The following TPST1 variants were observed in gnomAD, a reference collection of about 807,000 sequenced individuals.
TPST1 encodes tyrosylprotein sulfotransferase 1.
Under a neutral mutation model 34.8 loss-of-function variants are expected in TPST1, and 20 were observed. That is an observed-to-expected ratio of 0.57 (90% CI 0.40 to 0.84). The LOEUF (loss-of-function observed/expected upper bound fraction) is 0.84. Ranked by LOEUF, TPST1 falls within the 40% of genes least tolerant of loss-of-function variation. The probability of loss-of-function intolerance (pLI) is 0.00; values close to 1 mark genes in which losing one functional copy is unlikely to be tolerated. For synonymous variants in TPST1, 152 were observed against 159.4 expected (o/e 0.95, Z 0.35); for missense variants, 353 against 455.5 (o/e 0.78, Z 2.05).
Position 66,205,490 on chromosome 7 carries a change from C to T in TPST1, c.-134C>T, listed in dbSNP as rs1257751191. 6.6e-6 allele frequency: 1 copy of T among 152,506 alleles called. No homozygotes were observed. Among genetic ancestry groups the T allele is most frequent in the Non-Finnish European group, 1.5e-5 (1 of 68,306 alleles). 9.4% of individuals were successfully genotyped at this position (152,506 alleles called of 1,614,324 possible). On this transcript the variant is annotated 5_prime_UTR_variant, in exon 1 of 6. Transcript: ENST00000304842. This position sits in a 1 kb window ranked among gnomAD's most constrained non-coding sequence, Gnocchi z 5.0. ...CCAGCGGCTGAGGCCAGGATGCCGT[C>T]CAGGCGGCGCGGCGGCTCCTCACTC...
At position 66,226,012 on chromosome 7, in the gene TPST1, G is replaced by A. The variant is rs549424578; in HGVS notation, c.-101-14313G>A. Among the ~76,000 whole-genome samples, 12 of 151,908 alleles carry A rather than the reference G, an allele frequency of 7.9e-5. No homozygotes were observed. The South Asian group carries it at 1.2e-3, about 16-fold the overall frequency. On this transcript the variant is annotated intron_variant, in intron 1 of 5. Transcript: ENST00000304842. ...CGCCATTCTCCTGTCTCAGCCTCCCGAGTAGCTGGGAATACAGGCGCCTGT... is the reference window on the plus strand; with the variant it reads ...CGCCATTCTCCTGTCTCAGCCTCCCAAGTAGCTGGGAATACAGGCGCCTGT...
At chr7:66,251,700 G>T (rs1297933862) in intron 2 of TPST1, among the ~76,000 whole-genome samples, 1 of 151,970 alleles carries the variant, frequency 6.6e-6, no homozygotes, top group East Asian at 1.9e-4. Context: ...TCATTGTCAT[G>T]TTTTCCCTTT....
intron 1 of TPST1, among the ~76,000 whole-genome samples, chr7:66,228,659 C>T (rs1219653392): frequency 6.6e-6 from 1 of 152,104 alleles, no homozygotes; most frequent in Non-Finnish European, 1.5e-5. Context: ...TTGCTTTGTT[C>T]AGATTTTAAA....
intron 3 of TPST1, among the ~76,000 whole-genome samples, chr7:66,311,740 G>A (rs1791536319): frequency 6.6e-6 from 1 of 152,164 alleles, no homozygotes; most frequent in South Asian, 2.1e-4. Flanking sequence ...TAATAAGATG[G>A]GAGAAGAATT....
intron 5 of TPST1, chr7:66,359,303 G>A (rs1036390696): frequency 7.7e-5 from 11 of 142,958 alleles, no homozygotes; most frequent in African/African-American, 2.9e-4. Context: ...GCTGCCCCCT[G>A]GACACTTAAA....
intron 1 of TPST1, among the ~76,000 whole-genome samples, chr7:66,225,142 C>T (rs1370894496): frequency 6.6e-6 from 1 of 150,680 alleles, no homozygotes; most frequent in Non-Finnish European, 1.5e-5. Context: ...GTCTTGAACT[C>T]CTGACCTCAG....
At chr7:66,333,082 A>G (rs891528070) in intron 3 of TPST1, among the ~76,000 whole-genome samples, 4 of 152,200 alleles carry the variant, frequency 2.6e-5, no homozygotes, top group Non-Finnish European at 5.9e-5. Context: ...AAACTTCACA[A>G]GCAATTTAGG....
intron 2 of TPST1, among the ~76,000 whole-genome samples, chr7:66,272,402 A>T (rs1790721194): frequency 6.6e-6 from 1 of 152,178 alleles, no homozygotes; most frequent in Non-Finnish European, 1.5e-5. Context: ...CAGAAAAGGC[A>T]TTTGACAAAA....
At chr7:66,359,605 CAGTT>C (rs1189042784) in intron 5 of TPST1, 1 of 288,732 alleles carries the variant, frequency 3.5e-6, no homozygotes, top group African/African-American at 2.2e-5. Context: ...AGATGACAGT[CAGTT>C]ATTTAGAAAT....
In TPST1 at chr7:66,296,253, C is replaced by G. The variant is rs1490150545; in HGVS notation, c.1044+9544C>G. Among the ~76,000 whole-genome samples, 104 of 36,494 alleles carry G rather than the reference C, an allele frequency of 2.8e-3. 4 individuals are homozygous for G. The highest frequency in any genetic ancestry group is 0.012 in the African/African-American group (75 of 6,264). 23.9% of individuals were successfully genotyped at this position (36,494 alleles called of 152,430 possible). Reference sequence around the variant, plus strand: ...ATTAAAAAACACCCACCCTTCCCCCCCCCCTCCCCCACCGTCTCTGCCTAT... The same window carrying G: ...ATTAAAAAACACCCACCCTTCCCCCGCCCCTCCCCCACCGTCTCTGCCTAT... On this transcript the variant is annotated intron_variant, in intron 3 of 5. Transcript: ENST00000304842.
At chr7:66,325,676 C>G (rs1430570156) in intron 3 of TPST1, among the ~76,000 whole-genome samples, 2 of 152,032 alleles carry the variant, frequency 1.3e-5, no homozygotes, top group Non-Finnish European at 2.9e-5. Flanking sequence ...TGCTTTGTCA[C>G]CCAGGCTGGA....
intron 2 of TPST1, among the ~76,000 whole-genome samples, chr7:66,276,809 G>A (rs1315175768): frequency 1.3e-5 from 2 of 151,608 alleles, no homozygotes; most frequent in African/African-American, 4.8e-5. Context: ...TTGTGGGCAT[G>A]TCTTTTTTTC....
At chr7:66,303,514 A>G (rs568089687) in intron 3 of TPST1, among the ~76,000 whole-genome samples, 4 of 151,952 alleles carry the variant, frequency 2.6e-5, no homozygotes, top group Admixed American at 6.6e-5. Context: ...GGTTCAAGCA[A>G]TTCTCCCACC....
intron 1 of TPST1, among the ~76,000 whole-genome samples, chr7:66,223,334 G>A (rs746021043): frequency 6.6e-6 from 1 of 151,538 alleles, no homozygotes; most frequent in Non-Finnish European, 1.5e-5. Flanking sequence ...TGGTTTGCAT[G>A]CCCCTGCAGT....
At chr7:66,272,698 C>T (rs149686850) in intron 2 of TPST1, among the ~76,000 whole-genome samples, 225 of 151,986 alleles carry the variant, frequency 1.5e-3, no homozygotes, top group African/African-American at 5.1e-3. Context: ...GCAATCCTTC[C>T]ACCTCAGCCT....
At chr7:66,220,001 T>C (rs879642068) in intron 1 of TPST1, among the ~76,000 whole-genome samples, 1 of 151,810 alleles carries the variant, frequency 6.6e-6, no homozygotes, top group Non-Finnish European at 1.5e-5. Context: ...GCAGATGAAA[T>C]AGACTGATCA....
chr7:66,205,940 A>T lies in TPST1; in HGVS notation c.-102+418A>T, dbSNP rs749951260. 4 of 152,232 alleles carry T rather than the reference A, an allele frequency of 2.6e-5. No individual in the cohort carries two copies. The highest frequency in any genetic ancestry group is 4.4e-5 in the Non-Finnish European group (3 of 68,184). The allele number at this position is 152,232 out of a possible 1,614,324, so 9.4% of individuals were successfully genotyped here. On this transcript the variant is annotated intron_variant, in intron 1 of 5. Transcript: ENST00000304842. This position sits in a 1 kb window ranked among gnomAD's most constrained non-coding sequence, Gnocchi z 5.0. ...ACCCGTTGTACGTAGTCCTGTCTGC[A>T]TGGCAGTCGCCCGCCCCGCTCCAGG... is the stretch of plus-strand genomic sequence containing the variant.
intron 3 of TPST1, among the ~76,000 whole-genome samples, chr7:66,306,953 G>A (rs1271471512): frequency 1.3e-5 from 2 of 152,076 alleles, no homozygotes; most frequent in Non-Finnish European, 2.9e-5. Flanking sequence ...GACCTCAGGT[G>A]TCCCACCCAC....
At chr7:66,342,605 A>G (rs1311336787) in intron 3 of TPST1, among the ~76,000 whole-genome samples, 1 of 152,194 alleles carries the variant, frequency 6.6e-6, no homozygotes, top group African/African-American at 2.4e-5. Context: ...TACAAGAAGC[A>G]TGGCACCAGC....
Sources: allele counts gnomAD v4.1 joint callset (sites outside exome capture counted in the v4.1 genomes callset), GRCh38; gene constraint gnomAD v4.1.1; non-coding constraint Gnocchi (gnomAD v3.1); transcripts MANE v1.5; gene names NCBI Gene and HGNC (gene_info 2026-07-23, HGNC 2026-07-21).